The following CROCC2 variants were observed in gnomAD, a reference collection of about 807,000 sequenced individuals.
CROCC2 encodes ciliary rootlet coiled-coil, rootletin family member 2.
Under a neutral mutation model 177.6 loss-of-function variants are expected in CROCC2, and 163 were observed. The ratio of observed to expected loss-of-function variants is 0.92; its 90% CI spans 0.81 to 1.05. The LOEUF (loss-of-function observed/expected upper bound fraction) is 1.05, where lower values mean the gene tolerates loss of function less well. Among genes scored for constraint, CROCC2 ranks in the 50% least tolerant of loss-of-function variants. The pLI is 0.00. For synonymous variants in CROCC2, 904 were observed against 787.3 expected (o/e 1.15, Z -2.48); for missense variants, 1,929 against 1,797.8 (o/e 1.07, Z -1.32).
intron 1 of CROCC2, among the ~76,000 whole-genome samples, chr2:240,907,587 G>A (rs1231549532): frequency 2.0e-5 from 3 of 152,178 alleles, no homozygotes; most frequent in African/African-American, 7.2e-5. Flanking sequence ...TGGTGCAGGT[G>A]ACCGAGTGAC....
intron 14 of CROCC2, among the ~76,000 whole-genome samples, chr2:240,943,381 G>A (rs145385520): frequency 9.9e-5 from 15 of 151,358 alleles, no homozygotes; most frequent in African/African-American, 3.7e-4. Context: ...TCTTCTTTTC[G>A]TTCCCCGGCT....
At chr2:240,987,806 C>T (rs942221271) in intron 28 of CROCC2, among the ~76,000 whole-genome samples, 4 of 152,242 alleles carry the variant, frequency 2.6e-5, no homozygotes, top group Admixed American at 6.5e-5. Flanking sequence ...GGGCTGGGCA[C>T]GGCAGAGCCT....
chr2:240,919,049 TGGCGTGGGG>T lies in CROCC2; in HGVS notation c.229+175_229+183del, dbSNP rs2059339873. Among the ~76,000 whole-genome samples the T allele has an allele frequency of 1.1e-3, 33 of 29,102 alleles. 2 individuals are homozygous for T. The South Asian group carries it at 0.035, about 31-fold the overall frequency. 19.1% of individuals were successfully genotyped at this position (29,102 alleles called of 152,430 possible). A position where few individuals can be genotyped will look rare whatever the true frequency, so the allele number is the denominator to read the frequency against. Reference sequence around the variant, plus strand: ...CTGGGCCCGGGGCTGGGCAAGGTGATGGCGTGGGGGACGGTCCTGGGCCCGGGGCTGGGC... The same window carrying T: ...CTGGGCCCGGGGCTGGGCAAGGTGATGACGGTCCTGGGCCCGGGGCTGGGC... On this transcript the variant is annotated intron_variant, in intron 2 of 31. Coordinates refer to ENST00000690015, the MANE Select transcript of CROCC2 (RefSeq NM_001351305.2).
rs1157911919 is a variant in CROCC2 at position 240,973,547 on chromosome 2, AC to A, written c.4401+5292del. On this transcript the variant is annotated intron_variant, in intron 27 of 31. Coordinates refer to ENST00000690015, the MANE Select transcript of CROCC2 (RefSeq NM_001351305.2). This position sits in a 1 kb window ranked among gnomAD's most constrained non-coding sequence, Gnocchi z 4.7. ...CCCACTGTGCCCACGTGCCACACCC[AC>A]CCCCCCAGCTCCCCACATCCCCAGT... 7.4e-6 allele frequency among the ~76,000 whole-genome samples: 1 copy of A among 134,610 alleles called. No individual in the cohort carries two copies. Among genetic ancestry groups the A allele is most frequent in the Non-Finnish European group, 1.6e-5 (1 of 62,332 alleles). 88.3% of individuals were successfully genotyped at this position (134,610 alleles called of 152,430 possible).
rs1243536440 is a variant in CROCC2 at position 240,918,348 on chromosome 2, G to A, written c.79-378G>A. On this transcript the variant is annotated intron_variant, in intron 1 of 31. Transcript: ENST00000690015. This position sits in a 1 kb window ranked among gnomAD's most constrained non-coding sequence, Gnocchi z 6.3. The stretch of plus-strand genomic sequence containing the variant: ...GAGACCACCTGCTCCAGGTGGGCGA[G>A]GATGTTGGGTTTCTTGTGGAGCAGA... Among the ~76,000 whole-genome samples the A allele has an allele frequency of 6.6e-6, 1 of 152,240 alleles. No individual in the cohort carries two copies. The highest frequency in any genetic ancestry group is 1.9e-4 in the East Asian group (1 of 5,198).
chr2:240,981,070 G>A (rs1181597760), intron 27 of CROCC2, among the ~76,000 whole-genome samples: 2 of 127,626 alleles, frequency 1.6e-5, no homozygotes, highest in Non-Finnish European at 3.2e-5. Flanking sequence ...TGGGTCAGGA[G>A]CCTCAGGATC....
Position 240,955,910 on chromosome 2 carries a change from A to T in CROCC2, c.2881A>T (p.Arg961Trp). The T allele has an allele frequency of 6.5e-7, 1 of 1,534,944 alleles. No homozygotes were observed. The highest frequency in any genetic ancestry group is 8.7e-7 in the Non-Finnish European group (1 of 1,146,888). ...ERSLLSEELS[R>W]ARRTLERVQQ... ...GAGCCTTCTGAGTGAGGAGCTCTCCAGGGCCAGGAGGACGCTAGAGCGGGT... is the reference window on the plus strand; with the variant it reads ...GAGCCTTCTGAGTGAGGAGCTCTCCTGGGCCAGGAGGACGCTAGAGCGGGT... Residue 961 changes from arginine to tryptophan, a missense_variant, in exon 19 of 32, where the codon AGG (arginine) becomes TGG (tryptophan). Physicochemically the swap from Arg to Trp is moderately radical, Grantham distance 101. This residue lies in a region of CROCC2 where 1,397 missense variants were observed against 1,239.9 expected (regional missense o/e 1.13). Transcript: ENST00000690015.
intron 1 of CROCC2, among the ~76,000 whole-genome samples, chr2:240,916,187 C>A (rs1417828896): frequency 6.6e-6 from 1 of 152,052 alleles, no homozygotes; most frequent in Non-Finnish European, 1.5e-5. Flanking sequence ...AGCGCTTAGG[C>A]TGGCGGCACA....
intron 14 of CROCC2, among the ~76,000 whole-genome samples, chr2:240,943,916 C>A (rs1423090764): frequency 6.6e-6 from 1 of 152,182 alleles, no homozygotes; most frequent in African/African-American, 2.4e-5. Flanking sequence ...GCCTGAACAC[C>A]TGGGACCTGA....
chr2:240,906,888 C>T (rs905970065), intron 1 of CROCC2, among the ~76,000 whole-genome samples: 1 of 151,450 alleles, frequency 6.6e-6, no homozygotes, highest in East Asian at 2.0e-4. Flanking sequence ...CACAGGTTTG[C>T]GGGGTGGAGA....
At chr2:240,909,245 C>CTCTACCTCCTCCACCTGGG (rs2059272109) in intron 1 of CROCC2, among the ~76,000 whole-genome samples, 2 of 100,912 alleles carry the variant, frequency 2.0e-5, no homozygotes, top group African/African-American at 5.3e-5. Flanking sequence ...CTCCACCTGG[C>CTCTACCTCCTCCACCTGGG]GTGAGCTCTA....
rs1434385011 is a variant in CROCC2 at position 240,953,285 on chromosome 2, G to T, written c.2830-2574G>T. ...CAAAAATTAGCTGGGTGTGGTGGTG[G>T]GTGCCTGTAATCCCCGCTACTCAGG... On this transcript the variant is annotated intron_variant, in intron 18 of 31. Coordinates refer to ENST00000690015, the MANE Select transcript of CROCC2 (RefSeq NM_001351305.2). The surrounding 1 kb of genome is among the most constrained non-coding windows in gnomAD (Gnocchi z 4.0). Among the ~76,000 whole-genome samples, 5 of 152,052 alleles carry T rather than the reference G, an allele frequency of 3.3e-5. No individual in the cohort carries two copies. The highest frequency in any genetic ancestry group is 1.9e-4 in the East Asian group (1 of 5,180).
chr2:240,913,858 C>A (rs1036156789), intron 1 of CROCC2, among the ~76,000 whole-genome samples: 1 of 152,266 alleles, frequency 6.6e-6, no homozygotes, highest in Non-Finnish European at 1.5e-5. Context: ...GCCCTCTCTG[C>A]GGCGGGCCGG....
In CROCC2 at chr2:240,922,563, G is replaced by A. The variant is rs560728518; in HGVS notation, c.406G>A (p.Glu136Lys). 13 of 695,204 alleles carry A rather than the reference G, an allele frequency of 1.9e-5. No homozygotes were observed. The highest frequency in any genetic ancestry group is 3.0e-5 in the Non-Finnish European group (11 of 371,494). 43.1% of individuals were successfully genotyped at this position (695,204 alleles called of 1,614,324 possible). Residue 136 changes from glutamate to lysine, a missense_variant, in exon 4 of 32, where the codon GAG becomes AAG. Physicochemically the swap from Glu to Lys is moderately conservative, Grantham distance 56. This residue lies in a region of CROCC2 where 1,397 missense variants were observed against 1,239.9 expected (regional missense o/e 1.13). Coordinates refer to ENST00000690015, the MANE Select transcript of CROCC2 (RefSeq NM_001351305.2). ...EQLQARLETT[E>K]AQLRRSELEH... ...GCTGCAGGCCCGGCTGGAGACCACC[G>A]AGGCTCAGCTGCGGAGGTCAGAGCT...
At chr2:240,989,584 A>C in intron 29 of CROCC2, 70 bp from the exon 30 acceptor site, 1 of 1,431,388 alleles carries the variant, frequency 7.0e-7, no homozygotes, top group South Asian at 1.4e-5. Flanking sequence ...ACCCTGTGGC[A>C]CTCCTGCCCT....
chr2:240,964,007 AGTTCCCATCCAG>A, intron 21 of CROCC2: 1 of 592,766 alleles, frequency 1.7e-6, no homozygotes, highest in Non-Finnish European at 3.0e-6. Context: ...GCCCACAGGG[AGTTCCCATCCAG>A]CAGGCAAGAT....
intron 18 of CROCC2, chr2:240,955,530 C>G (rs1049359017): frequency 3.7e-6 from 1 of 271,978 alleles, no homozygotes; most frequent in Non-Finnish European, 7.0e-6. Flanking sequence ...CATGAAGGCC[C>G]CCAAACTGCA....
intron 27 of CROCC2, among the ~76,000 whole-genome samples, chr2:240,976,056 C>T (rs1304893489): frequency 1.3e-5 from 2 of 152,208 alleles, no homozygotes; most frequent in African/African-American, 4.8e-5. Flanking sequence ...CTCAACGAGA[C>T]CCCTGTGAGA....
rs185202027 is a variant in CROCC2, at chr2:240,965,925, G to A, written c.3893G>A (p.Arg1298His). The A allele has an allele frequency of 2.6e-5, 37 of 1,417,466 alleles. No individual in the cohort carries two copies. The highest frequency in any genetic ancestry group is 3.9e-4 in the Middle Eastern group (2 of 5,096). The allele number at this position is 1,417,466 out of a possible 1,614,324, so 87.8% of individuals were successfully genotyped here. ...CTGGGCCGGCTGTGCTCCACGCTCC[G>A]CCGTGGCCTGGGGCTCCAGAGACAG... ...AQLGRLCSTLRRGLGLQRQSP... is the reference protein window; with the variant it reads ...AQLGRLCSTLHRGLGLQRQSP... Residue 1298 changes from arginine (R) to histidine (H), a missense_variant, in exon 24 of 32, where the codon CGC (arginine) becomes CAC (histidine). Around this residue, in one of 3 missense-constraint regions of CROCC2, gnomAD observed 144 missense variants for 205.2 expected, o/e 0.70. Transcript: ENST00000690015.
Sources: gnomAD v4.1 joint callset for allele counts (sites outside exome capture counted in the v4.1 genomes callset) on GRCh38, gnomAD v4.1.1 for gene constraint, gnomAD v4.1.1 regional missense constraint, Gnocchi (gnomAD v3.1) non-coding constraint, MANE v1.5 for transcripts, NCBI Gene and HGNC (gene_info 2026-07-23, HGNC 2026-07-21) for gene names.